The following SERGEF variants were observed in gnomAD, a reference collection of about 807,000 sequenced individuals.
SERGEF encodes the protein secretion regulating guanine nucleotide exchange factor.
SERGEF carries 51 observed loss-of-function variants against 50.0 expected under a neutral mutation model. The observed-to-expected ratio is 1.02, with a 90% CI of 0.81 to 1.29. The LOEUF (loss-of-function observed/expected upper bound fraction) is 1.29. SERGEF is among the 50% of genes most tolerant of loss of function. The pLI is 0.00. For synonymous variants in SERGEF, 205 were observed against 212.4 expected (o/e 0.97, Z 0.30); for missense variants, 521 against 557.0 (o/e 0.94, Z 0.65).
At chr11:17,883,087 A>G (rs121704) in intron 9 of SERGEF, among the ~76,000 whole-genome samples, 104,862 of 151,936 alleles carry the variant, frequency 0.69, 36,953 homozygotes, top group African/African-American at 0.83. Context: ...CAGGGACCTC[A>G]GCCTGCGAAG....
At chr11:17,794,811 T>A (rs1258774847) in intron 10 of SERGEF, among the ~76,000 whole-genome samples, 2 of 152,184 alleles carry the variant, frequency 1.3e-5, no homozygotes, top group African/African-American at 4.8e-5. Flanking sequence ...AGCAAAAACG[T>A]TGCTTCCCAG....
chr11:17,943,423 C>G (rs1239356020), intron 9 of SERGEF, among the ~76,000 whole-genome samples: 2 of 152,018 alleles, frequency 1.3e-5, no homozygotes, highest in East Asian at 3.9e-4. Flanking sequence ...TAGTGACATA[C>G]CTACTTTCAT....
intron 2 of SERGEF, 25 bp downstream of exon 2, chr11:18,007,916 A>T: frequency 6.3e-7 from 1 of 1,595,714 alleles, no homozygotes; most frequent in Non-Finnish European, 8.6e-7. Flanking sequence ...AAAATGAGTG[A>T]CTATCTACTT....
chr11:17,868,929 C>T (rs539901971), intron 10 of SERGEF, among the ~76,000 whole-genome samples: 13 of 152,216 alleles, frequency 8.5e-5, no homozygotes, highest in Admixed American at 5.2e-4. Context: ...GGTCACTCCC[C>T]ACAACACATG....
intron 9 of SERGEF, among the ~76,000 whole-genome samples, chr11:17,928,640 T>C (rs1300977785): frequency 6.6e-6 from 1 of 151,616 alleles, no homozygotes; most frequent in Non-Finnish European, 1.5e-5. Flanking sequence ...AAAAAAACAA[T>C]AAAGAAACAA....
intron 10 of SERGEF, among the ~76,000 whole-genome samples, chr11:17,818,182 G>C (rs1433022949): frequency 1.3e-5 from 2 of 152,144 alleles, no homozygotes; most frequent in Non-Finnish European, 2.9e-5. Context: ...AGGATTGAGT[G>C]AGACACGGGA....
chr11:17,969,515 G>T (rs1853199895), intron 8 of SERGEF, among the ~76,000 whole-genome samples: 1 of 152,158 alleles, frequency 6.6e-6, no homozygotes, highest in Admixed American at 6.5e-5. Flanking sequence ...AGGCTGGGGG[G>T]TGAGGAGTGT....
At chr11:17,989,241 C>T (rs1490070085) in intron 7 of SERGEF, among the ~76,000 whole-genome samples, 2 of 152,206 alleles carry the variant, frequency 1.3e-5, no homozygotes, top group Non-Finnish European at 2.9e-5. Context: ...TATAGAATCG[C>T]ATCTGGATAG....
intron 4 of SERGEF, chr11:18,000,837 T>C (rs1853946021): frequency 1.7e-6 from 1 of 588,820 alleles, no homozygotes; most frequent in Non-Finnish European, 3.2e-6. Flanking sequence ...GTAAATGTTT[T>C]CTGTAAAGGG....
chr11:18,006,884 T>C, intron 2 of SERGEF, 138 bp from the exon 3 acceptor site: 1 of 945,210 alleles, frequency 1.1e-6, no homozygotes, highest in Non-Finnish European at 1.6e-6. Context: ...GCTGTGTATG[T>C]TCATGTATTC....
chr11:17,831,861 T>C (rs75016995), intron 10 of SERGEF, among the ~76,000 whole-genome samples: 2 of 152,158 alleles, frequency 1.3e-5, no homozygotes, highest in East Asian at 3.9e-4. Context: ...TCCAAAGCCC[T>C]AATTAAAGAC....
At chr11:17,849,982 G>A (rs1427506123) in intron 10 of SERGEF, among the ~76,000 whole-genome samples, 1 of 152,046 alleles carries the variant, frequency 6.6e-6, no homozygotes, top group Non-Finnish European at 1.5e-5. Flanking sequence ...ACCACAGGCT[G>A]GATAATTTAT....
intron 9 of SERGEF, among the ~76,000 whole-genome samples, chr11:17,958,407 G>A (rs1048991458): frequency 2.0e-5 from 3 of 152,044 alleles, no homozygotes; most frequent in Non-Finnish European, 2.9e-5. Flanking sequence ...AAAAAATCTA[G>A]CCTTTTCTTT....
chr11:17,872,282 TCTGG>T, intron 10 of SERGEF, among the ~76,000 whole-genome samples: 1 of 944 alleles, frequency 1.1e-3, no homozygotes, highest in East Asian at 0.056. Flanking sequence ...TATATCTTGC[TCTGG>T]ATGGTGTTTT....
intron 10 of SERGEF, among the ~76,000 whole-genome samples, chr11:17,844,032 T>C (rs1475905812): frequency 6.6e-6 from 1 of 152,100 alleles, no homozygotes; most frequent in Non-Finnish European, 1.5e-5. Flanking sequence ...ATGTATATGT[T>C]TAATAATTAT....
chr11:18,002,432 A>G (rs1468817493), intron 4 of SERGEF, among the ~76,000 whole-genome samples: 1 of 152,096 alleles, frequency 6.6e-6, no homozygotes, highest in African/African-American at 2.4e-5. Flanking sequence ...CCTCTTCCTT[A>G]TATTCCAACC....
At chr11:17,825,992 G>T (rs1033258583) in intron 10 of SERGEF, among the ~76,000 whole-genome samples, 3 of 152,162 alleles carry the variant, frequency 2.0e-5, no homozygotes, top group Non-Finnish European at 4.4e-5. Flanking sequence ...GGGGGCTTTA[G>T]CAGCCCAGAG....
rs191268409 is a variant in SERGEF at position 17,870,880 on chromosome 11, C to T, written c.1048+7328G>A. ...AGCTAGTGTGATACTAGCATACAAA[C>T]GGAAAAACAAACTAATAAAAAAGAA... is the stretch of plus-strand genomic sequence containing the variant. On this transcript the variant is annotated intron_variant, in intron 10 of 10. Coordinates refer to ENST00000265965, the MANE Select transcript of SERGEF (RefSeq NM_012139.4). 3.4e-4 allele frequency among the ~76,000 whole-genome samples: 52 copies of T among 152,124 alleles called. 1 individual carries two copies. The highest frequency in any genetic ancestry group is 1.0e-3 in the African/African-American group (43 of 41,514).
At chr11:17,883,234 G>C (rs775685761) in intron 9 of SERGEF, among the ~76,000 whole-genome samples, 2 of 152,204 alleles carry the variant, frequency 1.3e-5, no homozygotes, top group Non-Finnish European at 2.9e-5. Context: ...AGAAAATACA[G>C]CTGGACCAGG....
Sources: gnomAD v4.1 joint callset for allele counts (sites outside exome capture counted in the v4.1 genomes callset) on GRCh38, gnomAD v4.1.1 for gene constraint, MANE v1.5 for transcripts, NCBI Gene and HGNC (gene_info 2026-07-23, HGNC 2026-07-21) for gene names.